The following CCDC9 variants were observed in gnomAD, a reference collection of about 807,000 sequenced individuals.
CCDC9 encodes the protein coiled-coil domain-containing protein 9.
CCDC9 carries 52 observed loss-of-function variants against 65.6 expected under a neutral mutation model. The observed-to-expected ratio is 0.79, with a 90% CI of 0.63 to 1.00. The LOEUF (loss-of-function observed/expected upper bound fraction) is 1.00. Ranked by LOEUF, CCDC9 falls within the 50% of genes least tolerant of loss-of-function variation. The pLI, the probability that CCDC9 is intolerant of heterozygous loss-of-function variation, is 0.00. For synonymous variants in CCDC9, 332 were observed against 280.3 expected (o/e 1.18, Z -1.84); for missense variants, 834 against 757.2 (o/e 1.10, Z -1.19).
chr19:47,261,594 C>T (rs1399458033), intron 5 of CCDC9, among the ~76,000 whole-genome samples: 3 of 151,760 alleles, frequency 2.0e-5, no homozygotes, highest in Non-Finnish European at 4.4e-5. Flanking sequence ...CACCTGTAAT[C>T]CCAGCTACTT....
At chr19:47,270,312 C>G in intron 8 of CCDC9, 95 bp from the exon 9 acceptor site, 1 of 1,230,246 alleles carries the variant, frequency 8.1e-7, no homozygotes, top group South Asian at 1.3e-5. Flanking sequence ...CCGTCTGTCT[C>G]TGATCCGATT....
Position 47,266,682 on chromosome 19 carries a change from C to G in CCDC9, c.792C>G (p.Tyr264Ter), listed in dbSNP as rs200221689. 3 of 1,608,204 alleles carry G rather than the reference C, an allele frequency of 1.9e-6. No homozygotes were observed. Residue 264 changes from tyrosine (Y) to a stop codon, truncating the protein, a stop_gained, in exon 8 of 12, where the codon TAC (tyrosine) becomes TAG (stop). Coordinates refer to ENST00000221922, the MANE Select transcript of CCDC9 (RefSeq NM_015603.3). LOFTEE classifies it high-confidence loss of function. ...LSMTGRERSE[Y>*]LRWKQEREKI... ...TGACGGGCCGGGAGCGGTCGGAGTA[C>G]CTGCGCTGGAAGCAGGAGAGGGAGA...
downstream of CCDC9, chr19:47,272,052 G>A: frequency 8.1e-7 from 1 of 1,237,092 alleles, no homozygotes; most frequent in Non-Finnish European, 1.0e-6. Context: ...GGCTTGACTG[G>A]GGCTCCCCTT....
rs746173971 is a variant in CCDC9, at chr19:47,271,689, CTG to C, written c.*54_*55del. The C allele has an allele frequency of 7.1e-4, 799 of 1,127,730 alleles. 1 individual carries two copies. Among genetic ancestry groups the C allele is most frequent in the Non-Finnish European group, 8.1e-4 (651 of 804,474 alleles). The allele number at this position is 1,127,730 out of a possible 1,614,324, so 69.9% of individuals were successfully genotyped here. A position where few individuals can be genotyped will look rare whatever the true frequency, so the allele number is the denominator to read the frequency against. ...TTTGAGAGTGTATGAAGCTGGCTGC[CTG>C]TGTGTGTGTGTGTGTGTGTGTGTGT... On this transcript the variant is annotated 3_prime_UTR_variant, in exon 12 of 12. Transcript: ENST00000221922.
chr19:47,274,080 C>T, downstream of CCDC9: 14 of 693,180 alleles, frequency 2.0e-5, no homozygotes, highest in South Asian at 6.4e-5. Context: ...TCTTTCTACC[C>T]CAGAGCCTAG....
chr19:47,267,177 G>C (rs2059087768), intron 8 of CCDC9, among the ~76,000 whole-genome samples: 1 of 152,148 alleles, frequency 6.6e-6, no homozygotes, highest in South Asian at 2.1e-4. Flanking sequence ...TGTTAGCCAG[G>C]ATGGTCTCAA....
At chr19:47,263,499 T>C (rs1172407129) in intron 5 of CCDC9, among the ~76,000 whole-genome samples, 1 of 152,146 alleles carries the variant, frequency 6.6e-6, no homozygotes, top group Non-Finnish European at 1.5e-5. Flanking sequence ...CCACGAGAGA[T>C]TCAGCACTCC....
At chr19:47,273,511 C>T (rs930097509), downstream of CCDC9, 8 of 541,714 alleles carry the variant, frequency 1.5e-5, no homozygotes, top group African/African-American at 1.9e-5. Flanking sequence ...CTCCCACCGC[C>T]TCGCTCCTCT....
At chr19:47,266,144 C>T (rs929700122) in intron 7 of CCDC9, among the ~76,000 whole-genome samples, 4 of 151,188 alleles carry the variant, frequency 2.6e-5, no homozygotes, top group South Asian at 2.1e-4. Flanking sequence ...TACAGGCACC[C>T]GCTACCACGC....
At chr19:47,262,201 A>G (rs1195229423) in intron 5 of CCDC9, among the ~76,000 whole-genome samples, 2 of 142,054 alleles carry the variant, frequency 1.4e-5, no homozygotes, top group Non-Finnish European at 3.0e-5. Context: ...TCAGGGACCC[A>G]GGTTCCTGCT....
downstream of CCDC9, chr19:47,275,597 C>A: frequency 1.8e-6 from 1 of 550,456 alleles, no homozygotes; most frequent in Non-Finnish European, 3.2e-6. Flanking sequence ...TCTCCTGCCC[C>A]TCCTGCTGTG....
At chr19:47,275,495 C>T (rs1473464016), downstream of CCDC9, 16 of 1,157,300 alleles carry the variant, frequency 1.4e-5, 1 homozygote, top group Admixed American at 3.2e-5. Context: ...AATGGGGGCC[C>T]AGGGGGTGTC....
In CCDC9 at chr19:47,271,482, A is replaced by T; in HGVS notation, c.1400A>T (p.His467Leu). 6.2e-7 allele frequency: 1 copy of T among 1,613,326 alleles called. No homozygotes were observed. Among genetic ancestry groups the T allele is most frequent in the Non-Finnish European group, 8.5e-7 (1 of 1,179,812 alleles). ...GGGATCCCCTGCAGTGAGCAGGCCC[A>T]CGGAGTCCCCTTCAGTCCGGAGGAG... ...PTGIPCSEQAHGVPFSPEEPL... is the reference protein window; with the variant it reads ...PTGIPCSEQALGVPFSPEEPL... The change falls in exon 12 of 12, where the codon CAC becomes CTC. Residue 467 changes from histidine to leucine, a missense_variant. Physicochemically the swap from His to Leu is moderately conservative, Grantham distance 99. Transcript: ENST00000221922.
chr19:47,271,616 C>T lies in CCDC9; in HGVS notation c.1534C>T (p.Arg512Trp), dbSNP rs774740758. ...TGAAGAGGTGGAGCTGAATTCTCCCCGGACCACTCACCTGGCTGGCGCCCT... is the reference window on the plus strand; with the variant it reads ...TGAAGAGGTGGAGCTGAATTCTCCCTGGACCACTCACCTGGCTGGCGCCCT... ...WGEEVELNSP[R>W]TTHLAGALSP... The change falls in exon 12 of 12, where the codon CGG becomes TGG. Residue 512 changes from arginine to tryptophan, a missense_variant. By Grantham distance (101) the Arg-to-Trp change is moderately radical. Transcript: ENST00000221922. 57 of 1,610,770 alleles carry T rather than the reference C, an allele frequency of 3.5e-5. No individual in the cohort carries two copies. The highest frequency in any genetic ancestry group is 5.0e-5 in the Admixed American group (3 of 59,964).
Position 47,271,076 on chromosome 19 carries a change from C to T in CCDC9, c.1086-6C>T, listed in dbSNP as rs1374296877. On this transcript the variant is annotated splice_polypyrimidine_tract_variant and splice_region_variant and intron_variant, in intron 10 of 11. Transcript: ENST00000221922. ...CAGGCATCACCCCTCCCTCTGTTCC[C>T]TCTAGTGACCATGATGACCGCTGGG... The T allele has an allele frequency of 4.5e-6, 7 of 1,542,738 alleles. No homozygotes were observed. The East Asian group carries it at 1.2e-4, about 27-fold the overall frequency.
chr19:47,270,373 C>G, intron 8 of CCDC9, 34 bp from the exon 9 acceptor site: 1 of 1,611,650 alleles, frequency 6.2e-7, no homozygotes, highest in Middle Eastern at 1.7e-4. Flanking sequence ...CCCTGTTCCC[C>G]CAGCTGCCCG....
chr19:47,272,190 A>G, downstream of CCDC9: 1 of 1,221,944 alleles, frequency 8.2e-7, no homozygotes. Context: ...CATGGGATGG[A>G]GGCCGCTGCT....
chr19:47,273,998 G>C (rs1043991701), downstream of CCDC9: 1 of 984,258 alleles, frequency 1.0e-6, no homozygotes. Context: ...GCTGCTGGGA[G>C]GGGACTGAAG....
At chr19:47,261,122 G>C (rs1424391939) in intron 5 of CCDC9, among the ~76,000 whole-genome samples, 1 of 150,980 alleles carries the variant, frequency 6.6e-6, no homozygotes, top group South Asian at 2.1e-4. Context: ...GTTCCTCCTC[G>C]CCTTCCTTCC....
Sources: allele counts gnomAD v4.1 joint callset (sites outside exome capture counted in the v4.1 genomes callset), GRCh38; gene constraint gnomAD v4.1.1; transcripts MANE v1.5; gene names NCBI Gene and HGNC (gene_info 2026-07-23, HGNC 2026-07-21).